Variants in PTPRO observed in about 807,000 individuals in gnomAD.
PTPRO encodes the protein protein tyrosine phosphatase receptor type O.
PTPRO carries 62 observed loss-of-function variants against 145.2 expected under a neutral mutation model. That is an observed-to-expected ratio of 0.43 (90% CI 0.35 to 0.53). PTPRO has a LOEUF of 0.53. Among genes scored for constraint, PTPRO ranks in the 20% least tolerant of loss-of-function variants. The pLI, the probability that PTPRO is intolerant of heterozygous loss-of-function variation, is 0.01. For synonymous variants in PTPRO, 565 were observed against 514.7 expected (o/e 1.10, Z -1.32); for missense variants, 1,345 against 1,482.7 (o/e 0.91, Z 1.53).
chr12:15,541,884 C>T (rs1943187772), intron 12 of PTPRO, among the ~76,000 whole-genome samples: 1 of 152,002 alleles, frequency 6.6e-6, no homozygotes, highest in South Asian at 2.1e-4. Flanking sequence ...TGGTGGCAGG[C>T]ACCTGTAGTC....
intron 1 of PTPRO, among the ~76,000 whole-genome samples, chr12:15,324,851 T>G (rs1333352066): frequency 6.6e-6 from 1 of 152,190 alleles, no homozygotes; most frequent in Non-Finnish European, 1.5e-5. Flanking sequence ...CACAGTGTAA[T>G]ATCTTACATT....
intron 1 of PTPRO, among the ~76,000 whole-genome samples, chr12:15,385,811 C>CAAAAA (rs761750012): frequency 6.5e-4 from 24 of 36,980 alleles, no homozygotes; most frequent in Non-Finnish European, 9.2e-4. Flanking sequence ...GACTCCATCT[C>CAAAAA]AAAAAAAAAA....
intron 1 of PTPRO, among the ~76,000 whole-genome samples, chr12:15,330,963 CAAAT>C (rs899311950): frequency 3.6e-4 from 55 of 151,944 alleles, no homozygotes; most frequent in Non-Finnish European, 4.1e-4. Flanking sequence ...CAGTTGAAAA[CAAAT>C]AAATAAACAA....
intron 11 of PTPRO, among the ~76,000 whole-genome samples, chr12:15,525,378 A>C (rs1346340791): frequency 6.6e-6 from 1 of 152,210 alleles, no homozygotes; most frequent in African/African-American, 2.4e-5. Context: ...GACAGACTAA[A>C]CTACTGTAAT....
chr12:15,578,808 CACACCACGT>C, intron 19 of PTPRO, 36 bp from the exon 20 acceptor site: 1 of 1,417,178 alleles, frequency 7.1e-7, no homozygotes, highest in Non-Finnish European at 1.0e-6. Context: ...TAATCCAATT[CACACCACGT>C]ATGGAACTCT....
intron 19 of PTPRO, among the ~76,000 whole-genome samples, chr12:15,576,524 G>A (rs986811881): frequency 6.6e-6 from 1 of 152,180 alleles, no homozygotes; most frequent in Non-Finnish European, 1.5e-5. Context: ...TTGTATCTGA[G>A]GCCTTTTCCC....
chr12:15,463,176 G>A (rs891771011), intron 1 of PTPRO, among the ~76,000 whole-genome samples: 2 of 152,040 alleles, frequency 1.3e-5, no homozygotes, highest in African/African-American at 4.8e-5. Context: ...GACCTAAAAG[G>A]AAATCTGGCA....
At chr12:15,364,093 A>G (rs575329264) in intron 1 of PTPRO, among the ~76,000 whole-genome samples, 7 of 152,336 alleles carry the variant, frequency 4.6e-5, no homozygotes, top group Admixed American at 1.3e-4. Context: ...ACCATTGTGT[A>G]ATAGAGAAAG....
chr12:15,594,306 A>G (rs1235366753), intron 25 of PTPRO, among the ~76,000 whole-genome samples: 3 of 152,002 alleles, frequency 2.0e-5, no homozygotes, highest in African/African-American at 7.2e-5. Flanking sequence ...CAATTTATTA[A>G]ATTACCTGGA....
intron 19 of PTPRO, among the ~76,000 whole-genome samples, chr12:15,572,759 ATAAAATG>A (rs755894712): frequency 0.65 from 99,489 of 151,916 alleles, 35,974 homozygotes; most frequent in South Asian, 0.8. Flanking sequence ...TTCTTTATGT[ATAAAATG>A]GGTGAGTTGA....
At chr12:15,441,634 A>T (rs796355982) in intron 1 of PTPRO, among the ~76,000 whole-genome samples, 1 of 152,148 alleles carries the variant, frequency 6.6e-6, no homozygotes. Flanking sequence ...AAGAGAGAAG[A>T]TCCAAATAAG....
At chr12:15,405,595 G>T (rs1221145129) in intron 1 of PTPRO, among the ~76,000 whole-genome samples, 1 of 152,106 alleles carries the variant, frequency 6.6e-6, no homozygotes, top group Non-Finnish European at 1.5e-5. Flanking sequence ...GAATCCATGA[G>T]GGGAGAAGAT....
chr12:15,394,554 GA>G (rs1481781242), intron 1 of PTPRO, among the ~76,000 whole-genome samples: 1 of 152,124 alleles, frequency 6.6e-6, no homozygotes. Flanking sequence ...GGCTGAACAA[GA>G]ATTAATTAGT....
intron 17 of PTPRO, among the ~76,000 whole-genome samples, chr12:15,560,770 C>T (rs1364655592): frequency 2.0e-5 from 3 of 151,948 alleles, no homozygotes; most frequent in Non-Finnish European, 4.4e-5. Flanking sequence ...ATTTAATTTT[C>T]CCCCGCAATC....
Position 15,322,643 on chromosome 12 carries a change from C to A in PTPRO, c.-84C>A. The A allele has an allele frequency of 8.3e-7, 1 of 1,198,178 alleles. No homozygotes were observed. Among genetic ancestry groups the A allele is most frequent in the Non-Finnish European group, 1.2e-6 (1 of 825,184 alleles). 74.2% of individuals were successfully genotyped at this position (1,198,178 alleles called of 1,614,324 possible). A position where few individuals can be genotyped will look rare whatever the true frequency, so the allele number is the denominator to read the frequency against. ...CAACCTCGGCGCCCAGGGTCTGAGG[C>A]TGCAGCCCCAGTTCGCCATTGTGAG... On this transcript the variant is annotated 5_prime_UTR_variant, in exon 1 of 27. It adds an upstream start codon to the 5' untranslated region. Transcript: ENST00000281171. This position sits in a 1 kb window ranked among gnomAD's most constrained non-coding sequence, Gnocchi z 6.3.
intron 19 of PTPRO, among the ~76,000 whole-genome samples, chr12:15,569,827 C>T (rs1298844768): frequency 1.3e-5 from 2 of 152,170 alleles, no homozygotes; most frequent in African/African-American, 4.8e-5. Context: ...AAGCCTGAGA[C>T]AGAATTTCCC....
At chr12:15,581,254 G>C (rs1944307906) in intron 22 of PTPRO, among the ~76,000 whole-genome samples, 1 of 151,312 alleles carries the variant, frequency 6.6e-6, no homozygotes, top group African/African-American at 2.4e-5. Context: ...GGGGCTTACA[G>C]AGAATTACAT....
intron 4 of PTPRO, among the ~76,000 whole-genome samples, 192 bp from the exon 5 acceptor site, chr12:15,501,428 A>G (rs1942218806): frequency 6.6e-6 from 1 of 152,208 alleles, no homozygotes; most frequent in Non-Finnish European, 1.5e-5. Context: ...GGTATACATC[A>G]TCCACAAAAT....
chr12:15,594,340 G>T (rs1476964414), intron 25 of PTPRO, among the ~76,000 whole-genome samples: 2 of 151,496 alleles, frequency 1.3e-5, no homozygotes, highest in Non-Finnish European at 2.9e-5. Flanking sequence ...TATGATAATG[G>T]GATATCCTTT....
Sources: allele counts gnomAD v4.1 joint callset (sites outside exome capture counted in the v4.1 genomes callset), GRCh38; gene constraint gnomAD v4.1.1; non-coding constraint Gnocchi (gnomAD v3.1); transcripts MANE v1.5; gene names NCBI Gene and HGNC (gene_info 2026-07-23, HGNC 2026-07-21).